The following FAM110B variants were observed in gnomAD, a reference collection of about 807,000 sequenced individuals.
FAM110B encodes the protein protein FAM110B.
A neutral mutation model predicts 20.4 loss-of-function variants in FAM110B; 6 were observed. The observed-to-expected ratio is 0.29, with a 90% CI of 0.16 to 0.58. FAM110B has a LOEUF of 0.58. Among genes scored for constraint, FAM110B ranks in the 20% least tolerant of loss-of-function variants. The probability of loss-of-function intolerance (pLI) is 0.90; values close to 1 mark genes in which losing one functional copy is unlikely to be tolerated. For missense variants in FAM110B, 434 were observed against 498.2 expected (o/e 0.87, Z 1.23); for synonymous variants, 226 against 214.1 (o/e 1.06, Z -0.49).
intron 3 of FAM110B, among the ~76,000 whole-genome samples, chr8:58,128,153 A>G (rs1189369606): frequency 6.6e-6 from 1 of 152,126 alleles, no homozygotes. Flanking sequence ...CACCTTCACT[A>G]TCACCCTGTG....
At chr8:58,140,786 C>T (rs1803728077) in intron 3 of FAM110B, among the ~76,000 whole-genome samples, 1 of 152,180 alleles carries the variant, frequency 6.6e-6, no homozygotes, top group South Asian at 2.1e-4. Flanking sequence ...TGAGGGATGC[C>T]CTCGCCTCCT....
At chr8:57,994,923 G>A (rs947894866) in intron 1 of FAM110B, 117 bp downstream of exon 1, 1 of 152,268 alleles carries the variant, frequency 6.6e-6, no homozygotes, top group South Asian at 2.1e-4. Context: ...GCGGCCAGGC[G>A]GCGCGGAGCT....
chr8:58,078,837 A>C (rs948699053), intron 3 of FAM110B, among the ~76,000 whole-genome samples: 18 of 152,078 alleles, frequency 1.2e-4, no homozygotes, highest in African/African-American at 4.1e-4. Flanking sequence ...GGTGTGAGCC[A>C]CCGCGCCCGG....
At chr8:58,064,943 T>A (rs551501494) in intron 2 of FAM110B, among the ~76,000 whole-genome samples, 89 of 152,332 alleles carry the variant, frequency 5.8e-4, no homozygotes, top group African/African-American at 2.0e-3. Context: ...TTTGTATGAC[T>A]CTTATCGAGA....
intron 3 of FAM110B, among the ~76,000 whole-genome samples, chr8:58,099,341 C>T (rs1806719402): frequency 6.6e-6 from 1 of 151,800 alleles, no homozygotes; most frequent in African/African-American, 2.4e-5. Flanking sequence ...TATAATGAAA[C>T]TATTCCAAAA....
intron 1 of FAM110B, among the ~76,000 whole-genome samples, chr8:57,995,062 G>T (rs1804153753): frequency 6.6e-6 from 1 of 152,092 alleles, no homozygotes; most frequent in Non-Finnish European, 1.5e-5. Flanking sequence ...TGCCTGCCCC[G>T]CGCCCCCTCT....
At chr8:57,997,645 T>C (rs1357031571) in intron 1 of FAM110B, among the ~76,000 whole-genome samples, 2 of 152,248 alleles carry the variant, frequency 1.3e-5, no homozygotes, top group Non-Finnish European at 2.9e-5. Context: ...CCTGGTATGA[T>C]GCAGTGAGAA....
chr8:58,060,070 G>A (rs553864677), intron 2 of FAM110B, among the ~76,000 whole-genome samples: 3 of 152,178 alleles, frequency 2.0e-5, no homozygotes, highest in Non-Finnish European at 4.4e-5. Flanking sequence ...TTTATAGTCT[G>A]TTTCTTGTCT....
intron 3 of FAM110B, among the ~76,000 whole-genome samples, chr8:58,086,914 A>G (rs1806352739): frequency 6.6e-6 from 1 of 152,232 alleles, no homozygotes; most frequent in Non-Finnish European, 1.5e-5. Context: ...TTCACCAGGC[A>G]CTTCAGCCCT....
intron 2 of FAM110B, among the ~76,000 whole-genome samples, chr8:58,050,658 CA>C (rs1361092369): frequency 2.6e-5 from 4 of 152,178 alleles, no homozygotes; most frequent in African/African-American, 7.2e-5. Flanking sequence ...TGTCAGACTT[CA>C]AATCTCTTTG....
chr8:58,046,470 A>G (rs764776762), intron 2 of FAM110B, among the ~76,000 whole-genome samples: 3 of 152,216 alleles, frequency 2.0e-5, no homozygotes, highest in Non-Finnish European at 4.4e-5. Context: ...CTGAAGACTC[A>G]TGATTCCAGG....
chr8:58,060,754 C>G (rs1167270263), intron 2 of FAM110B, among the ~76,000 whole-genome samples: 1 of 152,156 alleles, frequency 6.6e-6, no homozygotes, highest in Non-Finnish European at 1.5e-5. Context: ...GATCTTTCTT[C>G]TCTGTCCCCT....
chr8:58,038,621 A>T lies in FAM110B; in HGVS notation c.-414+6918A>T, dbSNP rs537934210. 5.3e-5 allele frequency among the ~76,000 whole-genome samples: 8 copies of T among 152,124 alleles called. No individual in the cohort carries two copies. In the South Asian group the frequency reaches 1.7e-3, roughly 32 times the overall value. ...GCAAAAGTTAGCCAGGTGTAGGGGC[A>T]CAGGCCTGTAATCCCAGCTACTTTG... On this transcript the variant is annotated intron_variant, in intron 2 of 3. Coordinates refer to ENST00000519262, the MANE Select transcript of FAM110B (RefSeq NM_001377989.1).
At chr8:58,001,681 G>A (rs1012497946) in intron 1 of FAM110B, among the ~76,000 whole-genome samples, 6 of 152,078 alleles carry the variant, frequency 3.9e-5, no homozygotes, top group South Asian at 2.1e-4. Context: ...GGACCAAATC[G>A]CAGGGCCCTT....
intron 3 of FAM110B, among the ~76,000 whole-genome samples, chr8:58,129,922 T>A (rs113545110): frequency 6.6e-6 from 1 of 152,208 alleles, no homozygotes; most frequent in Non-Finnish European, 1.5e-5. Flanking sequence ...ATTGCAATGA[T>A]TTTTTTAATG....
chr8:58,147,797 CAG>C lies in FAM110B; in HGVS notation c.*456_*457del, dbSNP rs561758511. The C allele has an allele frequency of 1.2e-3, 206 of 175,088 alleles. 1 individual carries two copies. The highest frequency in any genetic ancestry group is 4.8e-3 in the African/African-American group (198 of 41,660). 10.8% of individuals were successfully genotyped at this position (175,088 alleles called of 1,614,324 possible). A position where few individuals can be genotyped will look rare whatever the true frequency, so the allele number is the denominator to read the frequency against. Reference sequence around the variant, plus strand: ...ACAGTAAATGGGATCTGCTACCAAACAGATAATGACTGACCGAACATAGAACC... The same window carrying C: ...ACAGTAAATGGGATCTGCTACCAAACATAATGACTGACCGAACATAGAACC... On this transcript the variant is annotated 3_prime_UTR_variant, in exon 4 of 4. Coordinates refer to ENST00000519262, the MANE Select transcript of FAM110B (RefSeq NM_001377989.1).
intron 1 of FAM110B, among the ~76,000 whole-genome samples, chr8:57,998,411 G>A (rs1327715210): frequency 6.6e-6 from 1 of 152,176 alleles, no homozygotes; most frequent in African/African-American, 2.4e-5. Flanking sequence ...GTTAAAGGAG[G>A]TTTATTCATT....
intron 1 of FAM110B, among the ~76,000 whole-genome samples, chr8:58,003,632 T>G (rs1804344690): frequency 1.3e-5 from 2 of 152,366 alleles, no homozygotes; most frequent in South Asian, 4.1e-4. Context: ...TGTACATCTC[T>G]ATCAGAGCTT....
chr8:58,003,841 T>C (rs1377809788), intron 1 of FAM110B, among the ~76,000 whole-genome samples: 8 of 152,220 alleles, frequency 5.3e-5, no homozygotes, highest in Non-Finnish European at 1.0e-4. Flanking sequence ...ACATTCAGAA[T>C]GGTAAGTCAG....
Sources: allele counts gnomAD v4.1 joint callset (sites outside exome capture counted in the v4.1 genomes callset), GRCh38; gene constraint gnomAD v4.1.1; transcripts MANE v1.5; gene names NCBI Gene and HGNC (gene_info 2026-07-23, HGNC 2026-07-21).